The following SHKBP1 variants were observed in gnomAD, a reference collection of about 807,000 sequenced individuals.
SHKBP1 encodes SH3KBP1 binding protein 1.
A neutral mutation model predicts 83.9 loss-of-function variants in SHKBP1; 71 were observed. The ratio of observed to expected loss-of-function variants is 0.85; its 90% CI spans 0.70 to 1.03. SHKBP1 has a LOEUF of 1.03. Ranked by LOEUF, SHKBP1 falls within the 50% of genes least tolerant of loss-of-function variation. The probability of loss-of-function intolerance (pLI) is 0.00; values close to 1 mark genes in which losing one functional copy is unlikely to be tolerated. For missense variants in SHKBP1, 824 were observed against 982.4 expected, an observed-to-expected ratio of 0.84 and a Z score of 2.16; for synonymous variants, 371 against 398.0, an observed-to-expected ratio of 0.93 and a Z score of 0.81.
intron 10 of SHKBP1, 29 bp downstream of exon 10, chr19:40,582,495 C>T (rs73051877): frequency 1.9e-6 from 3 of 1,597,842 alleles, no homozygotes; most frequent in South Asian, 2.2e-5. Context: ...CTGGCTGCCC[C>T]CTTCCCAGTT....
chr19:40,577,724 A>T (rs779242925), intron 4 of SHKBP1, 94 bp downstream of exon 4: 2 of 1,426,310 alleles, frequency 1.4e-6, no homozygotes, highest in Admixed American at 3.4e-5. Context: ...GCTCCATTCT[A>T]TTAGAATTCT....
chr19:40,590,971 C>T lies in SHKBP1; in HGVS notation c.1893-5C>T, dbSNP rs769402597. On this transcript the variant is annotated splice_polypyrimidine_tract_variant and splice_region_variant and intron_variant, in intron 17 of 17. Transcript: ENST00000291842. This position sits in a 1 kb window ranked among gnomAD's most constrained non-coding sequence, Gnocchi z 4.6. Reference sequence around the variant, plus strand: ...GACGTGCACTTACTGTCCTTACTTCCTCAGCCTCCACTCAGCCTCCAGCAA... The same window carrying T: ...GACGTGCACTTACTGTCCTTACTTCTTCAGCCTCCACTCAGCCTCCAGCAA... 14 of 1,599,682 alleles carry T rather than the reference C, an allele frequency of 8.8e-6. No individual in the cohort carries two copies. In the Middle Eastern group the frequency reaches 8.3e-4, roughly 95 times the overall value.
chr19:40,585,251 A>G (rs947114867), intron 12 of SHKBP1, among the ~76,000 whole-genome samples: 1 of 152,006 alleles, frequency 6.6e-6, no homozygotes. Flanking sequence ...AACCACAGGC[A>G]TGCATCACCA....
At chr19:40,581,377 T>A (rs773695006) in intron 9 of SHKBP1, among the ~76,000 whole-genome samples, 1 of 151,794 alleles carries the variant, frequency 6.6e-6, no homozygotes, top group Non-Finnish European at 1.5e-5. Flanking sequence ...TAGCTGGGTG[T>A]GGTGGCACGT....
Position 40,585,389 on chromosome 19 carries a change from A to T in SHKBP1, c.1166-1385A>T, listed in dbSNP as rs403842. On this transcript the variant is annotated intron_variant, in intron 12 of 17. Coordinates refer to ENST00000291842, the MANE Select transcript of SHKBP1 (RefSeq NM_138392.4). ...CCAAAGTGCTGGAAATACAGACTTGAGTCACTGTGCTTGGCCATAGCTGCT... is the reference window on the plus strand; with the variant it reads ...CCAAAGTGCTGGAAATACAGACTTGTGTCACTGTGCTTGGCCATAGCTGCT... Among the ~76,000 whole-genome samples the T allele has an allele frequency of 6.3e-3, 956 of 151,440 alleles. 12 individuals carry two copies. The highest frequency in any genetic ancestry group is 0.022 in the African/African-American group (909 of 41,248).
In SHKBP1 at chr19:40,586,916, C is replaced by T. The variant is rs200227067; in HGVS notation, c.1308C>T (p.Ile436=). Reference sequence around the variant, plus strand: ...TGCACCGCAGCCCTGTCACCAAGATCATGCTGTCGGAGAAGCACCTCATCT... The same window carrying T: ...TGCACCGCAGCCCTGTCACCAAGATTATGCTGTCGGAGAAGCACCTCATCT... ...FTVHRSPVTK[I]MLSEKHLISV... is the part of the protein sequence containing the mutation. The change falls in exon 13 of 18, where the codon ATC becomes ATT. Residue 436 remains isoleucine, a synonymous_variant. Transcript: ENST00000291842. 1 of 1,606,802 alleles carries T rather than the reference C, an allele frequency of 6.2e-7. No homozygotes were observed. Among genetic ancestry groups the T allele is most frequent in the Non-Finnish European group, 8.5e-7 (1 of 1,174,736 alleles).
chr19:40,579,600 G>A (rs1342236636), intron 6 of SHKBP1, among the ~76,000 whole-genome samples: 2 of 152,170 alleles, frequency 1.3e-5, no homozygotes, highest in East Asian at 3.8e-4. Context: ...GGAGGTCAAG[G>A]CTGCAGTGAA....
At position 40,576,939 on chromosome 19, in the gene SHKBP1, C is replaced by CG. The variant is rs761671188; in HGVS notation, c.45dup (p.Pro16AlafsTer44). 1 of 1,495,080 alleles carries CG rather than the reference C, an allele frequency of 6.7e-7. No homozygotes were observed. Among genetic ancestry groups the CG allele is most frequent in the Non-Finnish European group, 8.9e-7 (1 of 1,126,424 alleles). The allele number at this position is 1,495,080 out of a possible 1,614,324, so 92.6% of individuals were successfully genotyped here. ...TACTGCAGCCGAGGGGGTCCCCAGT[C>CG]GGGGGCCTCCCGGGGAAGTCATTCA... On this transcript the variant is annotated frameshift_variant, in exon 1 of 18. Transcript: ENST00000291842. LOFTEE classifies it high-confidence loss of function.
chr19:40,579,120 T>A (rs2081246764), intron 6 of SHKBP1, among the ~76,000 whole-genome samples: 1 of 152,046 alleles, frequency 6.6e-6, no homozygotes, highest in Non-Finnish European at 1.5e-5. Context: ...TATTTATTTA[T>A]TTAATTTTAT....
In SHKBP1 at chr19:40,580,917, A is replaced by T; in HGVS notation, c.825A>T (p.Glu275Asp). ...SEILLWALQA[E>D]GGGSEIGVFH... Reference sequence around the variant, plus strand: ...TCCTGCTATGGGCTCTGCAGGCGGAAGGCGGTGGCTCCGAGATAGGTATGA... The same window carrying T: ...TCCTGCTATGGGCTCTGCAGGCGGATGGCGGTGGCTCCGAGATAGGTATGA... The change falls in exon 9 of 18, where the codon GAA becomes GAT. Residue 275 changes from glutamate to aspartate, a missense_variant. Coordinates refer to ENST00000291842, the MANE Select transcript of SHKBP1 (RefSeq NM_138392.4). The T allele has an allele frequency of 6.3e-7, 1 of 1,578,758 alleles. No homozygotes were observed. The highest frequency in any genetic ancestry group is 8.6e-7 in the Non-Finnish European group (1 of 1,161,280).
intron 12 of SHKBP1, among the ~76,000 whole-genome samples, chr19:40,584,226 C>T (rs2081293751): frequency 1.3e-5 from 2 of 152,304 alleles, no homozygotes; most frequent in South Asian, 2.1e-4. Flanking sequence ...ATGGTGGCCA[C>T]CCTCTCCACT....
At chr19:40,584,160 T>C (rs951833702) in intron 12 of SHKBP1, among the ~76,000 whole-genome samples, 8 of 152,112 alleles carry the variant, frequency 5.3e-5, no homozygotes, top group Non-Finnish European at 1.0e-4. Flanking sequence ...TCTCATCCAG[T>C]CATTCAACAA....
Position 40,591,013 on chromosome 19 carries a change from C to A in SHKBP1, c.1930C>A (p.His644Asn). The change falls in exon 18 of 18, where the codon CAC becomes AAC. Residue 644 changes from histidine (H) to asparagine (N), a missense_variant. By Grantham distance (68) the His-to-Asn change is moderately conservative. Transcript: ENST00000291842. ...SASSNTSLSGHRGSPSPPQAE... is the reference protein window; with the variant it reads ...SASSNTSLSGNRGSPSPPQAE... ...CTCCAGCAACACCTCCTTGTCTGGC[C>A]ACCGTGGGAGCCCAAGCCCCCCGCA... 2 of 1,612,008 alleles carry A rather than the reference C, an allele frequency of 1.2e-6. No homozygotes were observed. Among genetic ancestry groups the A allele is most frequent in the Non-Finnish European group, 1.7e-6 (2 of 1,178,502 alleles).
rs58880858 is a variant in SHKBP1, at chr19:40,577,948, T to TACACACAC, written c.261-169_261-162dup. ...AATTTTATGTCCTTCGATTTCTCCC[T>TACACACAC]ACACACACACACACACACACACACA... On this transcript the variant is annotated intron_variant, in intron 4 of 17. Transcript: ENST00000291842. 5,564 of 566,872 alleles carry TACACACAC rather than the reference T, an allele frequency of 9.8e-3. 22 individuals carry two copies. The highest frequency in any genetic ancestry group is 0.013 in the Non-Finnish European group (4,266 of 318,466). The allele number at this position is 566,872 out of a possible 1,614,324, so 35.1% of individuals were successfully genotyped here.
At position 40,576,944 on chromosome 19, in the gene SHKBP1, G is replaced by T. The variant is rs561082476; in HGVS notation, c.45G>T (p.Gly15=). The T allele has an allele frequency of 4.2e-4, 622 of 1,498,328 alleles. 13 individuals are homozygous for T. The South Asian group carries it at 7.8e-3, about 19-fold the overall frequency. 92.8% of individuals were successfully genotyped at this position (1,498,328 alleles called of 1,614,324 possible). A position where few individuals can be genotyped will look rare whatever the true frequency, so the allele number is the denominator to read the frequency against. The change falls in exon 1 of 18, where the codon GGG becomes GGT. Residue 15 remains glycine (G), a synonymous_variant. Transcript: ENST00000291842. ...ATAAEGVPSR[G]PPGEVIHLNV... ...CAGCCGAGGGGGTCCCCAGTCGGGG[G>T]CCTCCCGGGGAAGTCATTCATCTGA...
rs2081220595 is a variant in SHKBP1 at position 40,577,101 on chromosome 19, T to C, written c.86+116T>C. 4 of 1,292,990 alleles carry C rather than the reference T, an allele frequency of 3.1e-6. No individual in the cohort carries two copies. The South Asian group carries it at 4.0e-5, about 13-fold the overall frequency. 80.1% of individuals were successfully genotyped at this position (1,292,990 alleles called of 1,614,324 possible). On this transcript the variant is annotated intron_variant, in intron 1 of 17. Coordinates refer to ENST00000291842, the MANE Select transcript of SHKBP1 (RefSeq NM_138392.4). ...AGGGTTGCTCCGCCCCCCCCCCCTT[T>C]GGAGGCGCGAGATTCTGGAAAAACG... is the stretch of plus-strand genomic sequence containing the variant.
chr19:40,583,738 C>T (rs2081289425), intron 12 of SHKBP1, 21 bp downstream of exon 12: 2 of 1,591,800 alleles, frequency 1.3e-6, no homozygotes, highest in Admixed American at 1.7e-5. Flanking sequence ...ACCCGGCTTC[C>T]CCTGCTGCTG....
At chr19:40,582,524 C>A in intron 10 of SHKBP1, 58 bp downstream of exon 10, 1 of 1,471,090 alleles carries the variant, frequency 6.8e-7, no homozygotes, top group Non-Finnish European at 9.4e-7. Flanking sequence ...TGTACAGACC[C>A]AGGAAGGGGT....
Position 40,580,918 on chromosome 19 carries a change from G to A in SHKBP1, c.826G>A (p.Gly276Ser). ...CCTGCTATGGGCTCTGCAGGCGGAAGGCGGTGGCTCCGAGATAGGTATGAC... is the reference window on the plus strand; with the variant it reads ...CCTGCTATGGGCTCTGCAGGCGGAAAGCGGTGGCTCCGAGATAGGTATGAC... Reference protein sequence around the residue: ...EILLWALQAEGGGSEIGVFHL... With the variant: ...EILLWALQAESGGSEIGVFHL... Residue 276 changes from glycine (G) to serine (S), a missense_variant, in exon 9 of 18, where the codon GGC (glycine) becomes AGC (serine). By Grantham distance (56) the Gly-to-Ser change is moderately conservative. This residue lies in a region of SHKBP1 where 355 missense variants were observed against 386.4 expected (regional missense o/e 0.92). Coordinates refer to ENST00000291842, the MANE Select transcript of SHKBP1 (RefSeq NM_138392.4). 6.3e-7 allele frequency: 1 copy of A among 1,578,058 alleles called. No individual in the cohort carries two copies. Among genetic ancestry groups the A allele is most frequent in the East Asian group, 2.2e-5 (1 of 44,454 alleles).
Sources: allele counts gnomAD v4.1 joint callset (sites outside exome capture counted in the v4.1 genomes callset), GRCh38; gene constraint gnomAD v4.1.1; regional missense constraint gnomAD v4.1.1; non-coding constraint Gnocchi (gnomAD v3.1); transcripts MANE v1.5; gene names NCBI Gene and HGNC (gene_info 2026-07-23, HGNC 2026-07-21).